CIT: variants seen among roughly 807,000 people sequenced by gnomAD.
CIT encodes citron Rho-interacting kinase.
Under a neutral mutation model 272.7 loss-of-function variants are expected in CIT, and 79 were observed. That is an observed-to-expected ratio of 0.29 (90% CI 0.24 to 0.35). The LOEUF is 0.35. CIT is among the 10% of genes least tolerant of loss of function. The probability of loss-of-function intolerance (pLI) is 1.00; values close to 1 mark genes in which losing one functional copy is unlikely to be tolerated. For synonymous variants in CIT, 948 were observed against 995.6 expected (o/e 0.95, Z 0.90); for missense variants, 1,909 against 2,618.3 (o/e 0.73, Z 5.91).
intron 21 of CIT, 57 bp from the exon 22 acceptor site, chr12:119,757,602 C>T (rs1192838421): frequency 1.0e-5 from 16 of 1,602,010 alleles, no homozygotes; most frequent in Non-Finnish European, 1.2e-5. Context: ...GGGTTGAGCC[C>T]GTTTCCACGG....
intron 7 of CIT, among the ~76,000 whole-genome samples, chr12:119,826,876 G>A (rs372875209): frequency 5.3e-5 from 8 of 152,162 alleles, no homozygotes; most frequent in East Asian, 1.9e-4. Flanking sequence ...AGAGGAAAGT[G>A]AATGTTTAGT....
At chr12:119,706,876 T>C (rs533918883) in intron 40 of CIT, among the ~76,000 whole-genome samples, 1 of 152,236 alleles carries the variant, frequency 6.6e-6, no homozygotes, top group Non-Finnish European at 1.5e-5. Context: ...TCTTCCACAA[T>C]GGTTGAACTA....
At position 119,718,664 on chromosome 12, in the gene CIT, C is replaced by T. The variant is rs770938748; in HGVS notation, c.4003+35G>A. ...TGAGATCAATCCTCTGCCTTTTCCA[C>T]ATCCTTGAGCATTTTGGAGAGAGTG... On this transcript the variant is annotated intron_variant, in intron 31 of 47. Coordinates refer to ENST00000392521, the MANE Select transcript of CIT (RefSeq NM_001206999.2). The surrounding 1 kb of genome is among the most constrained non-coding windows in gnomAD (Gnocchi z 4.8). 2 of 1,610,722 alleles carry T rather than the reference C, an allele frequency of 1.2e-6. No individual in the cohort carries two copies. Among genetic ancestry groups the T allele is most frequent in the East Asian group, 4.5e-5 (2 of 44,854 alleles).
intron 24 of CIT, among the ~76,000 whole-genome samples, chr12:119,737,482 C>G (rs1231514401): frequency 6.6e-6 from 1 of 152,058 alleles, no homozygotes; most frequent in African/African-American, 2.4e-5. Flanking sequence ...GAAAAAAATG[C>G]AATTTATCAT....
Position 119,687,214 on chromosome 12 carries a change from C to T in CIT, c.*1018G>A, listed in dbSNP as rs1955628540. Reference sequence around the variant, plus strand: ...GGTATTAATACATTGGCAGAGCAACCCAAGGGGGCAGCACATGCAGTGAAC... The same window carrying T: ...GGTATTAATACATTGGCAGAGCAACTCAAGGGGGCAGCACATGCAGTGAAC... On this transcript the variant is annotated 3_prime_UTR_variant, in exon 48 of 48. Coordinates refer to ENST00000392521, the MANE Select transcript of CIT (RefSeq NM_001206999.2). 1 of 152,480 alleles carries T rather than the reference C, an allele frequency of 6.6e-6. No homozygotes were observed. The highest frequency in any genetic ancestry group is 2.4e-5 in the African/African-American group (1 of 41,394). The allele number at this position is 152,480 out of a possible 1,614,324, so 9.4% of individuals were successfully genotyped here.
At chr12:119,843,585 G>C (rs1969557375) in intron 5 of CIT, among the ~76,000 whole-genome samples, 1 of 152,148 alleles carries the variant, frequency 6.6e-6, no homozygotes, top group Admixed American at 6.6e-5. Context: ...GCCGAGGAGG[G>C]AAGATTACAA....
intron 37 of CIT, among the ~76,000 whole-genome samples, chr12:119,711,311 CTGTT>C (rs1957147290): frequency 1.3e-5 from 2 of 152,222 alleles, no homozygotes; most frequent in Non-Finnish European, 2.9e-5. Flanking sequence ...GCAATGAGCA[CTGTT>C]TGTATCCTGG....
intron 5 of CIT, among the ~76,000 whole-genome samples, chr12:119,843,245 A>G (rs1969531799): frequency 1.3e-5 from 2 of 152,230 alleles, no homozygotes; most frequent in African/African-American, 4.8e-5. Context: ...AGGCCTGGTA[A>G]GTCACGTGGA....
chr12:119,794,277 A>G (rs1965547588), intron 10 of CIT, among the ~76,000 whole-genome samples: 1 of 151,862 alleles, frequency 6.6e-6, no homozygotes, highest in South Asian at 2.1e-4. Flanking sequence ...TGAGTGAATG[A>G]ATGAATGAAT....
At chr12:119,756,630 A>C (rs1447063959) in intron 22 of CIT, among the ~76,000 whole-genome samples, 1 of 152,036 alleles carries the variant, frequency 6.6e-6, no homozygotes, top group Non-Finnish European at 1.5e-5. Flanking sequence ...TTGCAGGGAG[A>C]GTAGCCTGTT....
rs1447090329 is a variant in CIT, at chr12:119,770,735, C to T, written c.2208+50G>A. ...TCTTCTTCTTACCCCCTTCCCTTTG[C>T]AAACTCTAACCTGTTATCTTTTAAC... On this transcript the variant is annotated intron_variant, in intron 18 of 47. Coordinates refer to ENST00000392521, the MANE Select transcript of CIT (RefSeq NM_001206999.2). This position sits in a 1 kb window ranked among gnomAD's most constrained non-coding sequence, Gnocchi z 4.4. The T allele has an allele frequency of 1.2e-6, 2 of 1,608,844 alleles. No individual in the cohort carries two copies. The highest frequency in any genetic ancestry group is 2.2e-5 in the South Asian group (2 of 90,560).
At chr12:119,812,458 G>C (rs1217424834) in intron 9 of CIT, among the ~76,000 whole-genome samples, 1 of 149,556 alleles carries the variant, frequency 6.7e-6, no homozygotes, top group East Asian at 1.9e-4. Flanking sequence ...TTTTTTTTTA[G>C]AGACAGTGTC....
At chr12:119,759,914 C>T (rs766300438) in intron 20 of CIT, among the ~76,000 whole-genome samples, 3 of 151,892 alleles carry the variant, frequency 2.0e-5, no homozygotes, top group African/African-American at 4.8e-5. Context: ...GGGTCGGGCG[C>T]GGTGGCTCGT....
At chr12:119,785,518 T>G (rs390366) in intron 10 of CIT, among the ~76,000 whole-genome samples, 68,021 of 151,532 alleles carry the variant, frequency 0.45, 15,736 homozygotes, top group Admixed American at 0.56. Context: ...CCAGAGAGAG[T>G]GCAGCCTTGT....
chr12:119,714,101 A>G, intron 33 of CIT, 96 bp downstream of exon 33: 2 of 1,422,552 alleles, frequency 1.4e-6, no homozygotes, highest in Admixed American at 2.1e-5. Context: ...TGAATGCACT[A>G]TATGATGAGT....
intron 40 of CIT, among the ~76,000 whole-genome samples, chr12:119,707,605 C>T (rs923766057): frequency 6.6e-6 from 1 of 152,054 alleles, no homozygotes; most frequent in Non-Finnish European, 1.5e-5. Flanking sequence ...GGGTTCAAGT[C>T]ATTTTCCTCC....
intron 19 of CIT, among the ~76,000 whole-genome samples, chr12:119,762,248 A>T (rs903115351): frequency 2.6e-5 from 4 of 152,228 alleles, no homozygotes; most frequent in Admixed American, 6.5e-5. Flanking sequence ...ACTGATGAAA[A>T]AAAATAGAAT....
At chr12:119,771,926 G>A (rs1232262019) in intron 17 of CIT, among the ~76,000 whole-genome samples, 1 of 152,150 alleles carries the variant, frequency 6.6e-6, no homozygotes. Context: ...CCTGGCATGA[G>A]GAAAGTGAGA....
chr12:119,707,498 G>A (rs1170377761), intron 40 of CIT, among the ~76,000 whole-genome samples: 3 of 151,710 alleles, frequency 2.0e-5, no homozygotes, highest in South Asian at 2.1e-4. Flanking sequence ...GAGACTCGAC[G>A]AAAACCACAA....
Sources: allele counts gnomAD v4.1 joint callset (sites outside exome capture counted in the v4.1 genomes callset), GRCh38; gene constraint gnomAD v4.1.1; non-coding constraint Gnocchi (gnomAD v3.1); transcripts MANE v1.5; gene names NCBI Gene and HGNC (gene_info 2026-07-23, HGNC 2026-07-21).